Variants in BICD1 observed in about 807,000 individuals in gnomAD.
BICD1 encodes protein bicaudal D homolog 1.
BICD1 carries 35 observed loss-of-function variants against 92.5 expected under a neutral mutation model. The observed-to-expected ratio is 0.38, with a 90% confidence interval of 0.29 to 0.50. The LOEUF (loss-of-function observed/expected upper bound fraction) is 0.50, where lower values mean the gene tolerates loss of function less well. BICD1 is among the 20% of genes least tolerant of loss of function. BICD1 has a pLI of 0.93. For missense variants in BICD1, 950 were observed against 1,189.8 expected, an observed-to-expected ratio of 0.80 and a Z score of 2.97; for synonymous variants, 429 against 465.1, an observed-to-expected ratio of 0.92 and a Z score of 1.00.
intron 7 of BICD1, chr12:32,338,577 TA>T (rs3830311): frequency 0.24 from 106,436 of 451,944 alleles, 15,966 homozygotes; most frequent in East Asian, 0.67. Context: ...CTAACTGTAA[TA>T]AATCTTTTTT....
At chr12:32,175,937 T>C (rs1434493648) in intron 1 of BICD1, among the ~76,000 whole-genome samples, 1 of 152,194 alleles carries the variant, frequency 6.6e-6, no homozygotes, top group Non-Finnish European at 1.5e-5. Context: ...CTTGTTTCAG[T>C]GGATTTGCCT....
At chr12:32,154,006 A>G (rs1390617425) in intron 1 of BICD1, among the ~76,000 whole-genome samples, 1 of 151,966 alleles carries the variant, frequency 6.6e-6, no homozygotes, top group Non-Finnish European at 1.5e-5. Flanking sequence ...GGAGAGTCCC[A>G]GGGATGAGCT....
At chr12:32,232,886 A>C (rs1433691366) in intron 2 of BICD1, among the ~76,000 whole-genome samples, 3 of 152,156 alleles carry the variant, frequency 2.0e-5, no homozygotes, top group Non-Finnish European at 2.9e-5. Context: ...ATTAGACAAT[A>C]AGAAGGGGCC....
intron 8 of BICD1, among the ~76,000 whole-genome samples, chr12:32,345,125 T>C (rs557406828): frequency 8.6e-5 from 13 of 151,904 alleles, no homozygotes; most frequent in African/African-American, 2.9e-4. Flanking sequence ...CGTCTCTACA[T>C]TAAAATTTAA....
At chr12:32,350,230 C>A (rs1042304664) in intron 8 of BICD1, among the ~76,000 whole-genome samples, 1 of 152,140 alleles carries the variant, frequency 6.6e-6, no homozygotes, top group African/African-American at 2.4e-5. Context: ...TGCCTGTAAT[C>A]CCCGCACTTT....
chr12:32,266,866 A>AG (rs886926763), intron 2 of BICD1, among the ~76,000 whole-genome samples: 20 of 151,848 alleles, frequency 1.3e-4, no homozygotes, highest in Non-Finnish European at 2.1e-4. Flanking sequence ...TCAAAAAAAA[A>AG]AAAAAAATTT....
chr12:32,330,283 A>G (rs1937786257), intron 5 of BICD1, among the ~76,000 whole-genome samples: 1 of 152,232 alleles, frequency 6.6e-6, no homozygotes, highest in Non-Finnish European at 1.5e-5. Context: ...AGAAAAGATT[A>G]GAGTGAATGA....
intron 8 of BICD1, among the ~76,000 whole-genome samples, chr12:32,346,203 G>T (rs759332320): frequency 9.9e-5 from 15 of 151,670 alleles, no homozygotes; most frequent in Non-Finnish European, 1.9e-4. Flanking sequence ...GATTTTAATT[G>T]ACACACTATA....
At chr12:32,309,928 G>A (rs1948330256) in intron 4 of BICD1, among the ~76,000 whole-genome samples, 1 of 152,164 alleles carries the variant, frequency 6.6e-6, no homozygotes, top group African/African-American at 2.4e-5. Flanking sequence ...ATCCCTGACA[G>A]TTTGTATTTT....
chr12:32,302,503 C>T (rs1054058732), intron 3 of BICD1, among the ~76,000 whole-genome samples: 8 of 152,262 alleles, frequency 5.3e-5, no homozygotes, highest in Non-Finnish European at 7.4e-5. Context: ...ATTAGGTGTC[C>T]CAGGCCAGGT....
chr12:32,294,619 T>TCGAA (rs1947813497), intron 3 of BICD1, among the ~76,000 whole-genome samples: 1 of 118,140 alleles, frequency 8.5e-6, no homozygotes, highest in Admixed American at 8.6e-5. Context: ...AGACTCCGTC[T>TCGAA]TAAAAAAAAA....
At chr12:32,309,946 C>T (rs1186580699) in intron 4 of BICD1, among the ~76,000 whole-genome samples, 1 of 152,096 alleles carries the variant, frequency 6.6e-6, no homozygotes, top group Non-Finnish European at 1.5e-5. Context: ...TTTCATAGTT[C>T]CTTTATCTCT....
At chr12:32,208,564 G>A (rs535505103) in intron 1 of BICD1, among the ~76,000 whole-genome samples, 60 of 152,266 alleles carry the variant, frequency 3.9e-4, no homozygotes, top group Non-Finnish European at 4.9e-4. Context: ...GAGTCTGTCA[G>A]GGAGGCCTCA....
In BICD1 at chr12:32,383,279, GA is replaced by G. The variant is rs1438832620; in HGVS notation, c.*5653del. Reference sequence around the variant, plus strand: ...CATATGAAAACACGACTAAAAGACTGATTTAAGAAACTTGTTATTTTTAAAA... The same window carrying G: ...CATATGAAAACACGACTAAAAGACTGTTTAAGAAACTTGTTATTTTTAAAA... On this transcript the variant is annotated 3_prime_UTR_variant, in exon 10 of 10. Transcript: ENST00000652176. The G allele has an allele frequency of 6.6e-6, 1 of 152,118 alleles. No individual in the cohort carries two copies. Among genetic ancestry groups the G allele is most frequent in the Non-Finnish European group, 1.5e-5 (1 of 67,988 alleles). 9.4% of individuals were successfully genotyped at this position (152,118 alleles called of 1,614,324 possible).
At position 32,380,601 on chromosome 12, in the gene BICD1, A is replaced by G. The variant is rs1329098205; in HGVS notation, c.*2974A>G. On this transcript the variant is annotated 3_prime_UTR_variant, in exon 10 of 10. Coordinates refer to ENST00000652176, the MANE Select transcript of BICD1 (RefSeq NM_001714.4). ...TAATCAAAAAATAAGAAGAAGCAAT[A>G]AATTGTCTTTGGCCTGAGTGCTGAG... The G allele has an allele frequency of 6.6e-6, 1 of 152,154 alleles. No individual in the cohort carries two copies. The highest frequency in any genetic ancestry group is 1.5e-5 in the Non-Finnish European group (1 of 68,008). 9.4% of individuals were successfully genotyped at this position (152,154 alleles called of 1,614,324 possible).
At chr12:32,156,285 A>T (rs1375609749) in intron 1 of BICD1, among the ~76,000 whole-genome samples, 1 of 152,206 alleles carries the variant, frequency 6.6e-6, no homozygotes, top group African/African-American at 2.4e-5. Context: ...CTCTGTTTGA[A>T]TGGTGGGACA....
Position 32,107,082 on chromosome 12 carries a change from T to G in BICD1, c.-250T>G. The G allele has an allele frequency of 2.0e-6, 1 of 499,724 alleles. No homozygotes were observed. Among genetic ancestry groups the G allele is most frequent in the African/African-American group, 1.9e-5 (1 of 51,604 alleles). 31.0% of individuals were successfully genotyped at this position (499,724 alleles called of 1,614,324 possible). A position where few individuals can be genotyped will look rare whatever the true frequency, so the allele number is the denominator to read the frequency against. ...CGCAGGGGCCGGCCCCGAGGACACA[T>G]GCGGCGGCCTTTGCCGCCTCGCCCC... is the stretch of plus-strand genomic sequence containing the variant. On this transcript the variant is annotated 5_prime_UTR_variant, in exon 1 of 10. It removes an upstream start codon present in the reference 5' UTR. Coordinates refer to ENST00000652176, the MANE Select transcript of BICD1 (RefSeq NM_001714.4).
intron 2 of BICD1, among the ~76,000 whole-genome samples, chr12:32,242,792 C>T (rs1027172480): frequency 1.3e-5 from 2 of 152,098 alleles, no homozygotes; most frequent in African/African-American, 4.8e-5. Context: ...CCTTAGAGTG[C>T]CCTTTAAGTA....
At chr12:32,269,962 C>T (rs150189807) in intron 2 of BICD1, among the ~76,000 whole-genome samples, 12 of 151,500 alleles carry the variant, frequency 7.9e-5, no homozygotes, top group Non-Finnish European at 1.6e-4. Flanking sequence ...TCTCTACTAA[C>T]AATAAAAAAA....
Sources: allele counts gnomAD v4.1 joint callset (sites outside exome capture counted in the v4.1 genomes callset), GRCh38; gene constraint gnomAD v4.1.1; transcripts MANE v1.5; gene names NCBI Gene and HGNC (gene_info 2026-07-23, HGNC 2026-07-21).